WDR41: variants seen among roughly 807,000 people sequenced by gnomAD.
WDR41 encodes WD repeat-containing protein 41.
WDR41 carries 63 observed loss-of-function variants against 69.3 expected under a neutral mutation model. The ratio of observed to expected loss-of-function variants is 0.91; its 90% CI spans 0.74 to 1.12. WDR41 has a LOEUF of 1.12. Among genes scored for constraint, WDR41 ranks in the 50% most tolerant of loss-of-function variants. The pLI is 0.00. For missense variants in WDR41, 543 were observed against 534.5 expected (o/e 1.02, Z -0.16); for synonymous variants, 185 against 192.1 (o/e 0.96, Z 0.31).
intron 1 of WDR41, among the ~76,000 whole-genome samples, chr5:77,526,926 C>T (rs1047844104): frequency 2.0e-5 from 3 of 152,010 alleles, no homozygotes; most frequent in African/African-American, 7.2e-5. Context: ...CAATAGCTAT[C>T]CCATATGGAA....
At chr5:77,439,239 T>C (rs1204330061) in intron 9 of WDR41, among the ~76,000 whole-genome samples, 3 of 152,190 alleles carry the variant, frequency 2.0e-5, no homozygotes, top group Non-Finnish European at 2.9e-5. Flanking sequence ...TCCCTACATA[T>C]TGCCTTCTTG....
At chr5:77,435,865 T>C (rs1381382128) in intron 12 of WDR41, among the ~76,000 whole-genome samples, 1 of 152,230 alleles carries the variant, frequency 6.6e-6, no homozygotes, top group Non-Finnish European at 1.5e-5. Context: ...AACAGGACTC[T>C]GTTCATGAAT....
intron 1 of WDR41, among the ~76,000 whole-genome samples, chr5:77,585,142 C>T (rs950745254): frequency 2.6e-5 from 4 of 151,186 alleles, no homozygotes; most frequent in African/African-American, 9.7e-5. Flanking sequence ...AAAAAAAGAA[C>T]CCATCAAAAA....
intron 2 of WDR41, among the ~76,000 whole-genome samples, chr5:77,481,609 A>G (rs1469015921): frequency 6.6e-6 from 1 of 151,800 alleles, no homozygotes; most frequent in East Asian, 1.9e-4. Context: ...ATATGGTGAA[A>G]CCCTGTCTCT....
intron 1 of WDR41, among the ~76,000 whole-genome samples, chr5:77,562,814 A>G: frequency 6.6e-6 from 1 of 152,154 alleles, no homozygotes; most frequent in Non-Finnish European, 1.5e-5. Flanking sequence ...GCTAGTAAAC[A>G]TATTATTAGT....
At chr5:77,497,887 G>GCATATAATGAAATATTATTTAGT (rs1429858490) in intron 1 of WDR41, among the ~76,000 whole-genome samples, 1 of 152,118 alleles carries the variant, frequency 6.6e-6, no homozygotes, top group Non-Finnish European at 1.5e-5. Context: ...TGTGATGTAT[G>GCATATAATGAAATATTATTTAGT]CATATAATGA....
intron 3 of WDR41, 36 bp downstream of exon 3, chr5:77,464,725 T>C: frequency 6.2e-7 from 1 of 1,604,266 alleles, no homozygotes; most frequent in Non-Finnish European, 8.5e-7. Context: ...CATCATCATA[T>C]CTTTATCACA....
chr5:77,585,341 G>A (rs752186881), intron 1 of WDR41, among the ~76,000 whole-genome samples: 16 of 152,316 alleles, frequency 1.1e-4, no homozygotes, highest in African/African-American at 1.4e-4. Flanking sequence ...TGGCATGAAT[G>A]TGGTGAACAG....
At chr5:77,528,456 A>T (rs949183911) in intron 1 of WDR41, among the ~76,000 whole-genome samples, 1 of 151,746 alleles carries the variant, frequency 6.6e-6, no homozygotes, top group African/African-American at 2.4e-5. Flanking sequence ...CAAACAGTCA[A>T]GGAAGAAATA....
intron 2 of WDR41, among the ~76,000 whole-genome samples, chr5:77,474,900 G>A (rs1436121321): frequency 1.3e-5 from 2 of 152,202 alleles, no homozygotes; most frequent in Non-Finnish European, 2.9e-5. Flanking sequence ...TTCCATCTGA[G>A]GTACCGGGTT....
At chr5:77,514,957 T>A (rs1802271498) in intron 1 of WDR41, among the ~76,000 whole-genome samples, 1 of 152,106 alleles carries the variant, frequency 6.6e-6, no homozygotes, top group Non-Finnish European at 1.5e-5. Context: ...TCTGGGTGAG[T>A]CAGTGAGTGA....
rs149809514 is a variant in WDR41, at chr5:77,552,221, GAC to G, written c.43-62651_43-62650del. Reference sequence around the variant, plus strand: ...TATTAGTAATTTAAATAAATATAAAGACACATAAAAATCAATTATAGTAACAG... The same window carrying G: ...TATTAGTAATTTAAATAAATATAAAGACATAAAAATCAATTATAGTAACAG... On this transcript the variant is annotated intron_variant, in intron 1 of 5. Coordinates refer to the WDR41 transcript ENST00000509971. 1.5e-3 allele frequency among the ~76,000 whole-genome samples: 231 copies of G among 151,422 alleles called. 3 individuals carry two copies. The highest frequency in any genetic ancestry group is 5.4e-3 in the African/African-American group (223 of 41,356).
chr5:77,449,356 G>A (rs139245046), intron 8 of WDR41, among the ~76,000 whole-genome samples: 2 of 152,312 alleles, frequency 1.3e-5, no homozygotes, highest in East Asian at 3.9e-4. Context: ...TCATTCTAGT[G>A]TAAGTGTGTA....
At chr5:77,458,804 A>G (rs1482671794) in intron 5 of WDR41, 2 of 292,196 alleles carry the variant, frequency 6.8e-6, no homozygotes, top group African/African-American at 4.4e-5. Flanking sequence ...AACTACCTAC[A>G]AAAAACATAC....
intron 1 of WDR41, among the ~76,000 whole-genome samples, chr5:77,587,392 C>A (rs73127926): frequency 0.049 from 7,416 of 152,174 alleles, 297 homozygotes; most frequent in South Asian, 0.14. Flanking sequence ...TCTTAAGATA[C>A]GCACACATTC....
intron 1 of WDR41, among the ~76,000 whole-genome samples, chr5:77,523,453 A>G (rs1321422830): frequency 1.3e-5 from 2 of 152,180 alleles, no homozygotes; most frequent in Admixed American, 1.3e-4. Context: ...ACAAAGGAGT[A>G]AAGGGAGAGA....
intron 4 of WDR41, among the ~76,000 whole-genome samples, chr5:77,462,409 CA>C (rs10670808): frequency 0.022 from 2,278 of 102,396 alleles, 43 homozygotes; most frequent in African/African-American, 0.06. Flanking sequence ...AACTCCGTCT[CA>C]AAAAAAAAAA....
At chr5:77,500,775 T>TA (rs769996762) in intron 1 of WDR41, among the ~76,000 whole-genome samples, 6 of 152,322 alleles carry the variant, frequency 3.9e-5, no homozygotes, top group South Asian at 2.1e-4. Flanking sequence ...AAGCTGCTTC[T>TA]AATAGGTATA....
intron 1 of WDR41, among the ~76,000 whole-genome samples, chr5:77,560,156 A>C (rs1464654431): frequency 6.6e-6 from 1 of 152,300 alleles, no homozygotes; most frequent in East Asian, 1.9e-4. Flanking sequence ...AGGTTGTATA[A>C]AAAAATTAGA....
Sources: gnomAD v4.1 joint callset for allele counts (sites outside exome capture counted in the v4.1 genomes callset) on GRCh38, gnomAD v4.1.1 for gene constraint, MANE v1.5 for transcripts, NCBI Gene and HGNC (gene_info 2026-07-23, HGNC 2026-07-21) for gene names.